The following COA8 variants were observed in gnomAD, a reference collection of about 807,000 sequenced individuals.
The protein encoded by COA8 is cytochrome c oxidase assembly factor 8, also known as UPF0671 protein C14orf153.
Under a neutral mutation model 22.0 loss-of-function variants are expected in COA8, and 20 were observed. The ratio of observed to expected loss-of-function variants is 0.91; its 90% CI spans 0.64 to 1.32. The LOEUF (loss-of-function observed/expected upper bound fraction) is 1.32. COA8 is among the 40% of genes most tolerant of loss of function. The pLI is 0.00. For missense variants in COA8, 266 were observed against 230.0 expected, an observed-to-expected ratio of 1.16 and a Z score of -1.01; for synonymous variants, 105 against 79.9, an observed-to-expected ratio of 1.31 and a Z score of -1.68.
At chr14:103,570,146 C>T (rs570021062) in intron 1 of COA8, among the ~76,000 whole-genome samples, 3 of 152,150 alleles carry the variant, frequency 2.0e-5, no homozygotes, top group South Asian at 2.1e-4. Context: ...CGTGAGCCAC[C>T]GCACCTGGCT....
At position 103,587,282 on chromosome 14, in the gene COA8, G is replaced by T; in HGVS notation, c.394G>T (p.Ala132Ser). ...CTGAAATTACCTTTCAGGTCAGAAA[G>T]CAACATTGAATGCAGAAGAAATGGC... ...LGLRTESGQK[A>S]TLNAEEMADF... Residue 132 changes from alanine to serine, a missense_variant, in exon 4 of 5, where the codon GCA becomes TCA. Coordinates refer to ENST00000409074, the MANE Select transcript of COA8 (RefSeq NM_001370595.2). The T allele has an allele frequency of 6.2e-7, 1 of 1,612,206 alleles. No homozygotes were observed. The highest frequency in any genetic ancestry group is 8.5e-7 in the Non-Finnish European group (1 of 1,179,256).
chr14:103,588,421 A>G, intron 4 of COA8: 1 of 368,780 alleles, frequency 2.7e-6, no homozygotes. Flanking sequence ...TCCAGCCTGG[A>G]TGGCAGACAG....
chr14:103,587,553 G>A (rs963577081), intron 4 of COA8, among the ~76,000 whole-genome samples, 189 bp downstream of exon 4: 4 of 148,160 alleles, frequency 2.7e-5, no homozygotes, highest in African/African-American at 1.0e-4. Context: ...TCTCGCCCAG[G>A]CTGGAGTGCA....
intron 3 of COA8, among the ~76,000 whole-genome samples, chr14:103,580,797 GTTT>G (rs377472697): frequency 1.6e-5 from 2 of 122,558 alleles, no homozygotes; most frequent in African/African-American, 3.0e-5. Context: ...TTGGCCTGTT[GTTT>G]TTTTTTTTTT....
rs1380886967 is a variant in COA8, at chr14:103,584,307, G to A, written c.386-2967G>A. Among the ~76,000 whole-genome samples, 6 of 152,144 alleles carry A rather than the reference G, an allele frequency of 3.9e-5. No individual in the cohort carries two copies. In the South Asian group the frequency reaches 8.3e-4, roughly 21 times the overall value. On this transcript the variant is annotated intron_variant, in intron 3 of 4. Transcript: ENST00000409074. ...GGCATGGTTGATTAAATCATTGGCC[G>A]TTGGTAATTAGCTCAATCTCTACTC...
At chr14:103,586,487 C>A (rs554881759) in intron 3 of COA8, among the ~76,000 whole-genome samples, 13 of 151,922 alleles carry the variant, frequency 8.6e-5, no homozygotes, top group African/African-American at 3.1e-4. Flanking sequence ...GGACTACAGA[C>A]GTGCACCACC....
At position 103,571,727 on chromosome 14, in the gene COA8, A is replaced by G; in HGVS notation, c.228A>G (p.Glu76=). Residue 76 remains glutamate (E), a synonymous_variant, in exon 2 of 5, where the codon GAA becomes GAG. Transcript: ENST00000409074. ...TTCACTTTTACATACCTGAAAATGA[A>G]TCTCCATTGGAACAAAAGCTTAGAA... ...RPVHFYIPEN[E]SPLEQKLRKL... is the part of the protein sequence containing the mutation. 2 of 1,614,224 alleles carry G rather than the reference A, an allele frequency of 1.2e-6. No homozygotes were observed. The highest frequency in any genetic ancestry group is 1.7e-6 in the Non-Finnish European group (2 of 1,180,024).
chr14:103,571,554 C>G, intron 1 of COA8, 69 bp from the exon 2 acceptor site: 1 of 1,423,322 alleles, frequency 7.0e-7, no homozygotes, highest in Non-Finnish European at 9.8e-7. Flanking sequence ...ATAAATAAAT[C>G]CAGATTGTAC....
chr14:103,575,763 C>T (rs2076225668), intron 3 of COA8, among the ~76,000 whole-genome samples: 1 of 152,036 alleles, frequency 6.6e-6, no homozygotes, highest in South Asian at 2.1e-4. Context: ...GCAGTGGCAC[C>T]ATCTAGGCTT....
At chr14:103,589,068 C>T (rs2076331725) in intron 4 of COA8, among the ~76,000 whole-genome samples, 1 of 152,136 alleles carries the variant, frequency 6.6e-6, no homozygotes, top group African/African-American at 2.4e-5. Context: ...TTCTCTGTGG[C>T]ACTCGGGTGA....
intron 2 of COA8, among the ~76,000 whole-genome samples, chr14:103,573,703 C>T (rs2076206128): frequency 6.6e-6 from 1 of 152,028 alleles, no homozygotes; most frequent in Non-Finnish European, 1.5e-5. Context: ...CAGGTGCCCA[C>T]CATCACATTG....
chr14:103,583,377 T>C (rs1035964267), intron 3 of COA8, among the ~76,000 whole-genome samples: 9 of 151,574 alleles, frequency 5.9e-5, no homozygotes, highest in Admixed American at 3.3e-4. Flanking sequence ...CGATCTCTAC[T>C]AAAAATACAA....
chr14:103,576,067 G>A (rs572056603), intron 3 of COA8, among the ~76,000 whole-genome samples: 74 of 152,178 alleles, frequency 4.9e-4, no homozygotes, highest in African/African-American at 1.4e-3. Flanking sequence ...CAGCACTTTG[G>A]GAGGCTGAGG....
intron 1 of COA8, among the ~76,000 whole-genome samples, chr14:103,565,676 C>T (rs1265037743): frequency 6.7e-6 from 1 of 149,368 alleles, no homozygotes; most frequent in African/African-American, 2.5e-5. Flanking sequence ...AGTGCAGTGG[C>T]GTGATCTCAG....
chr14:103,563,086 G>A lies in COA8; in HGVS notation c.85G>A (p.Glu29Lys), dbSNP rs535382401. 245 of 1,540,444 alleles carry A rather than the reference G, an allele frequency of 1.6e-4. No individual in the cohort carries two copies. The South Asian group carries it at 1.9e-3, about 12-fold the overall frequency. The change falls in exon 1 of 5, where the codon GAG becomes AAG. Residue 29 changes from glutamate to lysine, a missense_variant. Transcript: ENST00000409074. Reference protein sequence around the residue: ...FACRGCQLAPERGAERRDTAP... With the variant: ...FACRGCQLAPKRGAERRDTAP... ...CTGCCGCGGCTGTCAACTCGCTCCG[G>A]AGCGCGGCGCCGAGCGCAGGGATAC...
Position 103,584,054 on chromosome 14 carries a change from T to G in COA8, c.386-3220T>G, listed in dbSNP as rs115424033. ...GCACCTTTTGTTTGTTTGTTTGTTT[T>G]TTTGAGCAGGTCTCACTCTGTCGCC... On this transcript the variant is annotated intron_variant, in intron 3 of 4. Transcript: ENST00000409074. Among the ~76,000 whole-genome samples the G allele has an allele frequency of 6.7e-3, 1,026 of 152,226 alleles. 17 individuals carry two copies. The highest frequency in any genetic ancestry group is 0.023 in the African/African-American group (964 of 41,548).
At position 103,590,690 on chromosome 14, in the gene COA8, A is replaced by G. The variant is rs1014620006; in HGVS notation, c.*404A>G. ...CAAGATCAGTCTGGACAACATGGCA[A>G]AACCCTGTCTCTACAAAAAATTAGC... is the stretch of plus-strand genomic sequence containing the variant. On this transcript the variant is annotated 3_prime_UTR_variant, in exon 5 of 5. Coordinates refer to ENST00000409074, the MANE Select transcript of COA8 (RefSeq NM_001370595.2). The G allele has an allele frequency of 9.5e-5, 15 of 158,230 alleles. No individual in the cohort carries two copies. Among genetic ancestry groups the G allele is most frequent in the Non-Finnish European group, 5.6e-5 (4 of 71,984 alleles). 9.8% of individuals were successfully genotyped at this position (158,230 alleles called of 1,614,324 possible). A position where few individuals can be genotyped will look rare whatever the true frequency, so the allele number is the denominator to read the frequency against.
At chr14:103,567,138 C>T (rs1244973767) in intron 1 of COA8, among the ~76,000 whole-genome samples, 2 of 152,044 alleles carry the variant, frequency 1.3e-5, no homozygotes, top group Non-Finnish European at 2.9e-5. Context: ...GTTGGAAGGC[C>T]GAGGCAGGTG....
At chr14:103,570,088 C>T (rs1389439836) in intron 1 of COA8, among the ~76,000 whole-genome samples, 4 of 152,092 alleles carry the variant, frequency 2.6e-5, no homozygotes, top group Non-Finnish European at 5.9e-5. Context: ...AACTCCCGAC[C>T]TTAGGTGATC....
Sources: gnomAD v4.1 joint callset for allele counts (sites outside exome capture counted in the v4.1 genomes callset) on GRCh38, gnomAD v4.1.1 for gene constraint, MANE v1.5 for transcripts, NCBI Gene and HGNC (gene_info 2026-07-23, HGNC 2026-07-21) for gene names.